The following NOX4 variants were observed in gnomAD, a reference collection of about 807,000 sequenced individuals.
NOX4 encodes the protein NADPH oxidase 4, also known as kidney oxidase-1.
In NOX4, 69 loss-of-function variants were observed where a neutral mutation model predicts 87.6. The ratio of observed to expected loss-of-function variants is 0.79; its 90% CI spans 0.65 to 0.96. NOX4 has a LOEUF of 0.96. Ranked by LOEUF, NOX4 falls within the 40% of genes least tolerant of loss-of-function variation. NOX4 has a pLI of 0.00. For synonymous variants in NOX4, 275 were observed against 238.2 expected, an observed-to-expected ratio of 1.15 and a Z score of -1.42; for missense variants, 680 against 681.5, an observed-to-expected ratio of 1.00 and a Z score of 0.02.
At chr11:89,435,289 T>C (rs928691920) in intron 6 of NOX4, among the ~76,000 whole-genome samples, 5 of 152,024 alleles carry the variant, frequency 3.3e-5, no homozygotes, top group African/African-American at 1.2e-4. Context: ...TTCCAATATT[T>C]TATTGGGCCT....
At chr11:89,526,613 T>C in the NOX4 span, among the ~76,000 whole-genome samples, 1 of 152,150 alleles carries the variant, frequency 6.6e-6, no homozygotes, top group Non-Finnish European at 1.5e-5. Flanking sequence ...GCTGTTCTCA[T>C]GATAGTGGGT....
chr11:89,450,671 G>A (rs998462595), intron 3 of NOX4, among the ~76,000 whole-genome samples: 11 of 151,214 alleles, frequency 7.3e-5, no homozygotes, highest in African/African-American at 2.4e-4. Context: ...TGCTGCACCC[G>A]TTAACTCGTC....
intron 11 of NOX4, among the ~76,000 whole-genome samples, chr11:89,394,614 T>C (rs373397153): frequency 4.5e-4 from 69 of 152,236 alleles, no homozygotes; most frequent in African/African-American, 1.6e-3. Context: ...AAACTCGTCA[T>C]TTACATTAGG....
intron 6 of NOX4, among the ~76,000 whole-genome samples, chr11:89,434,253 A>G (rs1191129681): frequency 6.6e-6 from 1 of 152,062 alleles, no homozygotes; most frequent in Non-Finnish European, 1.5e-5. Flanking sequence ...CAGTAGAAAC[A>G]AATTTCACTT....
At chr11:89,374,219 G>T (rs1055621870) in intron 11 of NOX4, among the ~76,000 whole-genome samples, 9 of 152,048 alleles carry the variant, frequency 5.9e-5, no homozygotes, top group Admixed American at 2.6e-4. Flanking sequence ...TTGAATAATG[G>T]TTTTTTCATA....
chr11:89,450,537 T>G (rs923932390), intron 3 of NOX4, among the ~76,000 whole-genome samples: 22 of 152,166 alleles, frequency 1.4e-4, no homozygotes, highest in African/African-American at 5.3e-4. Context: ...ATACTTCATT[T>G]TACAACACTG....
rs752096020 is a variant in NOX4, at chr11:89,402,367, T to G, written c.805A>C (p.Ile269Leu). 7 of 1,613,194 alleles carry G rather than the reference T, an allele frequency of 4.3e-6. No individual in the cohort carries two copies. The highest frequency in any genetic ancestry group is 5.9e-6 in the Non-Finnish European group (7 of 1,179,670). The change falls in exon 9 of 18, where the codon ATT becomes CTT. Residue 269 changes from isoleucine (I) to leucine (L), a missense_variant. By Grantham distance (5) the Ile-to-Leu change is conservative. Transcript: ENST00000263317. The stretch of plus-strand genomic sequence containing the variant: ...TGGAATCTGGGCTCTTCCATACAAA[T>G]CTTCACAAATTTGTGCTGGGTAAAC... ...AEFTQHKFVK[I>L]CMEEPRFQAN... is the part of the protein sequence containing the mutation.
the NOX4 span, among the ~76,000 whole-genome samples, chr11:89,575,118 G>A: frequency 6.6e-6 from 1 of 152,046 alleles, no homozygotes; most frequent in African/African-American, 2.4e-5. Flanking sequence ...AGGAGTCAGA[G>A]GTTGCAGTGA....
chr11:89,455,024 T>G (rs1240626256), intron 2 of NOX4, among the ~76,000 whole-genome samples: 1 of 152,028 alleles, frequency 6.6e-6, no homozygotes, highest in Non-Finnish European at 1.5e-5. Context: ...AATATTAAAT[T>G]GAGAGACATG....
the NOX4 span, among the ~76,000 whole-genome samples, chr11:89,533,346 C>T: frequency 6.6e-6 from 1 of 152,086 alleles, no homozygotes; most frequent in Non-Finnish European, 1.5e-5. Context: ...TTGACTACCT[C>T]TAACACAAAC....
chr11:89,433,401 T>C (rs1417802830), intron 6 of NOX4, among the ~76,000 whole-genome samples: 1 of 152,208 alleles, frequency 6.6e-6, no homozygotes, highest in Non-Finnish European at 1.5e-5. Context: ...TCTAAAAGTA[T>C]ACACTAAACA....
At chr11:89,396,480 A>C (rs2135161058) in intron 11 of NOX4, among the ~76,000 whole-genome samples, 1 of 152,182 alleles carries the variant, frequency 6.6e-6, no homozygotes. Context: ...TCTTTTCCTA[A>C]CTGAATACCC....
At chr11:89,414,610 CA>C (rs1310354979) in intron 8 of NOX4, among the ~76,000 whole-genome samples, 1 of 133,668 alleles carries the variant, frequency 7.5e-6, no homozygotes, top group East Asian at 2.4e-4. Flanking sequence ...TAAAGTATCA[CA>C]TTTTTTTTAT....
At chr11:89,560,996 CTATATA>C in the NOX4 span, among the ~76,000 whole-genome samples, 14 of 40,804 alleles carry the variant, frequency 3.4e-4, no homozygotes, top group South Asian at 3.1e-3. Flanking sequence ...CTCTCTCTCT[CTATATA>C]TATATATATA....
chr11:89,427,515 G>C (rs1381603546), intron 7 of NOX4, among the ~76,000 whole-genome samples: 1 of 152,152 alleles, frequency 6.6e-6, no homozygotes, highest in African/African-American at 2.4e-5. Flanking sequence ...AACCAGTGTA[G>C]AGAAGTCCTT....
chr11:89,402,555 T>G lies in NOX4; in HGVS notation c.630-13A>C. On this transcript the variant is annotated splice_polypyrimidine_tract_variant and intron_variant, in intron 8 of 17. Transcript: ENST00000263317. The stretch of plus-strand genomic sequence containing the variant: ...CTTCAGCAGCCCTCTAAAATTACAT[T>G]TAAAACAAACAAACAGAGAAATGAA... The G allele has an allele frequency of 6.4e-7, 1 of 1,573,280 alleles. No homozygotes were observed.
At chr11:89,424,278 G>T (rs1395550686) in intron 7 of NOX4, among the ~76,000 whole-genome samples, 1 of 151,042 alleles carries the variant, frequency 6.6e-6, no homozygotes, top group Non-Finnish European at 1.5e-5. Flanking sequence ...TTTTATATTT[G>T]ATTTATATCC....
At chr11:89,560,541 G>A in the NOX4 span, among the ~76,000 whole-genome samples, 2 of 152,078 alleles carry the variant, frequency 1.3e-5, no homozygotes, top group African/African-American at 4.8e-5. Flanking sequence ...GTATGTCTGT[G>A]AGGGTGTTTC....
At chr11:89,497,967 A>T (rs534721048) in intron 1 of NOX4, 2 of 152,196 alleles carry the variant, frequency 1.3e-5, no homozygotes, top group South Asian at 4.2e-4. Flanking sequence ...ATTTATGTGT[A>T]TGCTTTACTT....
Sources: allele counts gnomAD v4.1 joint callset (sites outside exome capture counted in the v4.1 genomes callset), GRCh38; gene constraint gnomAD v4.1.1; transcripts MANE v1.5; gene names NCBI Gene and HGNC (gene_info 2026-07-23, HGNC 2026-07-21).